PIP4P2: variants seen among roughly 807,000 people sequenced by gnomAD.
The protein encoded by PIP4P2 is phosphatidylinositol-4,5-bisphosphate 4-phosphatase 2.
A neutral mutation model predicts 33.3 loss-of-function variants in PIP4P2; 19 were observed. That is an observed-to-expected ratio of 0.57 (90% confidence interval 0.40 to 0.84). The LOEUF is 0.84. Among genes scored for constraint, PIP4P2 ranks in the 40% least tolerant of loss-of-function variants. PIP4P2 has a pLI of 0.00. For missense variants in PIP4P2, 270 were observed against 324.7 expected (o/e 0.83, Z 1.29); for synonymous variants, 110 against 111.9 (o/e 0.98, Z 0.11).
chr8:91,003,656 AAT>A (rs1312565790), intron 5 of PIP4P2, among the ~76,000 whole-genome samples: 1 of 152,184 alleles, frequency 6.6e-6, no homozygotes, highest in Admixed American at 6.6e-5. Flanking sequence ...CTAGATAGTG[AAT>A]AGAGATAGTA....
chr8:91,019,754 T>C (rs1398410609), intron 3 of PIP4P2, among the ~76,000 whole-genome samples: 1 of 152,046 alleles, frequency 6.6e-6, no homozygotes, highest in Non-Finnish European at 1.5e-5. Context: ...TTTGTAGAGA[T>C]GGGGTCTCAC....
chr8:91,019,033 T>C (rs1811960474), intron 3 of PIP4P2, among the ~76,000 whole-genome samples: 1 of 152,040 alleles, frequency 6.6e-6, no homozygotes, highest in Non-Finnish European at 1.5e-5. Context: ...GATAGGGCTG[T>C]ACATGATTCA....
Position 91,028,188 on chromosome 8 carries a change from C to G in PIP4P2, c.107-6784G>C, listed in dbSNP as rs942956225. ...GCCTAGGATTGAAATGGATGGGTTA[C>G]CTGCAAAGATGTTGCTTGGTTGTAT... is the stretch of plus-strand genomic sequence containing the variant. On this transcript the variant is annotated intron_variant, in intron 1 of 6. Transcript: ENST00000285419. Among the ~76,000 whole-genome samples the G allele has an allele frequency of 2.0e-5, 3 of 152,140 alleles. 1 individual carries two copies. Among genetic ancestry groups the G allele is most frequent in the Admixed American group, 6.5e-5 (1 of 15,276 alleles).
At position 90,996,663 on chromosome 8, in the gene PIP4P2, A is replaced by C. The variant is rs201523033; in HGVS notation, c.621T>G (p.Val207=). The change falls in exon 6 of 7, where the codon GTT becomes GTG. Residue 207 remains valine (V), a synonymous_variant. Coordinates refer to ENST00000285419, the MANE Select transcript of PIP4P2 (RefSeq NM_018710.3). ...AAAGTGTAACACTCACAGTTAACCCAACTCCAATGAAAATACATATCATTC... is the reference window on the plus strand; with the variant it reads ...AAAGTGTAACACTCACAGTTAACCCCACTCCAATGAAAATACATATCATTC... ...TIGMICIFIG[V]GLTVGTPDFA... 8.7e-6 allele frequency: 14 copies of C among 1,608,078 alleles called. No individual in the cohort carries two copies. Among genetic ancestry groups the C allele is most frequent in the Middle Eastern group, 1.7e-4 (1 of 6,054 alleles).
chr8:91,020,132 C>A, intron 3 of PIP4P2, 25 bp downstream of exon 3: 1 of 1,603,522 alleles, frequency 6.2e-7, no homozygotes. Flanking sequence ...ATGAATGAAT[C>A]AATGAATTAA....
At chr8:91,003,988 T>C (rs1811734354) in intron 5 of PIP4P2, among the ~76,000 whole-genome samples, 1 of 151,778 alleles carries the variant, frequency 6.6e-6, no homozygotes, top group Non-Finnish European at 1.5e-5. Flanking sequence ...GATAGATAGA[T>C]AGATAGATAG....
intron 1 of PIP4P2, among the ~76,000 whole-genome samples, chr8:91,039,625 A>G (rs141203598): frequency 1.6e-4 from 24 of 152,338 alleles, no homozygotes; most frequent in African/African-American, 5.8e-4. Context: ...AACTTTGCTC[A>G]TATTTAGCCA....
At chr8:91,015,077 G>T (rs114233368) in intron 4 of PIP4P2, among the ~76,000 whole-genome samples, 15 of 152,058 alleles carry the variant, frequency 9.9e-5, no homozygotes, top group Middle Eastern at 3.4e-3. Context: ...CACAGAAGAC[G>T]GCACGAATAA....
intron 4 of PIP4P2, among the ~76,000 whole-genome samples, chr8:91,015,421 C>G (rs1811901894): frequency 6.6e-6 from 1 of 152,046 alleles, no homozygotes; most frequent in Non-Finnish European, 1.5e-5. Flanking sequence ...CAATCAGTGA[C>G]TTGCTCTCAA....
At chr8:91,027,521 G>A (rs1812099775) in intron 1 of PIP4P2, among the ~76,000 whole-genome samples, 1 of 152,046 alleles carries the variant, frequency 6.6e-6, no homozygotes, top group Non-Finnish European at 1.5e-5. Context: ...GTCTAATTCA[G>A]TAAGAGGCAG....
intron 5 of PIP4P2, among the ~76,000 whole-genome samples, chr8:90,999,583 A>G (rs1810420472): frequency 1.3e-5 from 2 of 152,060 alleles, no homozygotes; most frequent in South Asian, 4.1e-4. Flanking sequence ...AAAGATGGCC[A>G]CACTATCTGC....
At chr8:91,005,538 C>G (rs1324525562) in intron 5 of PIP4P2, among the ~76,000 whole-genome samples, 1 of 152,146 alleles carries the variant, frequency 6.6e-6, no homozygotes, top group African/African-American at 2.4e-5. Context: ...ATTAACTATT[C>G]TCCCCACTAT....
intron 2 of PIP4P2, among the ~76,000 whole-genome samples, chr8:91,020,786 T>A (rs140439026): frequency 1.7e-3 from 262 of 152,306 alleles, no homozygotes; most frequent in African/African-American, 6.2e-3. Context: ...TTGGCACAGA[T>A]GCTAATAATA....
intron 1 of PIP4P2, among the ~76,000 whole-genome samples, chr8:91,032,780 CAAAAAAA>C (rs34482470): frequency 1.4e-4 from 14 of 98,744 alleles, no homozygotes; most frequent in Admixed American, 1.0e-3. Flanking sequence ...GAGTCTGTCT[CAAAAAAA>C]AAAAAAAAAA....
intron 1 of PIP4P2, among the ~76,000 whole-genome samples, chr8:91,038,254 C>T (rs1431998516): frequency 2.0e-5 from 3 of 152,160 alleles, no homozygotes; most frequent in African/African-American, 7.2e-5. Context: ...AACTAACATT[C>T]CTGTACTTTA....
In PIP4P2 at chr8:91,040,052, T is replaced by C. The variant is rs182029807; in HGVS notation, c.106+592A>G. ...AAATCTAACACATACTCCTTGAAAG[T>C]AGGAGTAAAAAGGAGGGGCAGGAAT... is the stretch of plus-strand genomic sequence containing the variant. On this transcript the variant is annotated intron_variant, in intron 1 of 6. Transcript: ENST00000285419. Among the ~76,000 whole-genome samples, 17 of 152,286 alleles carry C rather than the reference T, an allele frequency of 1.1e-4. No homozygotes were observed. In the East Asian group the frequency reaches 2.9e-3, roughly 26 times the overall value.
intron 1 of PIP4P2, among the ~76,000 whole-genome samples, chr8:91,032,780 CAAAA>C (rs34482470): frequency 2.0e-5 from 2 of 98,732 alleles, no homozygotes; most frequent in Non-Finnish European, 2.0e-5. Context: ...GAGTCTGTCT[CAAAA>C]AAAAAAAAAA....
rs76832764 is a variant in PIP4P2, at chr8:91,014,533, T to C, written c.486+3857A>G. Among the ~76,000 whole-genome samples, 65 of 152,140 alleles carry C rather than the reference T, an allele frequency of 4.3e-4. 1 individual carries two copies. In the East Asian group the frequency reaches 0.011, roughly 25 times the overall value. On this transcript the variant is annotated intron_variant, in intron 4 of 6. Coordinates refer to ENST00000285419, the MANE Select transcript of PIP4P2 (RefSeq NM_018710.3). Reference sequence around the variant, plus strand: ...TGCACGATCACGCCTGTATGTGGAATGTAAAATAGTTTAATTCATAGAAGC... The same window carrying C: ...TGCACGATCACGCCTGTATGTGGAACGTAAAATAGTTTAATTCATAGAAGC...
At position 91,040,785 on chromosome 8, in the gene PIP4P2, CG is replaced by C. The variant is rs765199834; in HGVS notation, c.-37del. Reference sequence around the variant, plus strand: ...GCGGCGGGGCCTGGGGAGGCCGAGCCGGGGTTGCGGCCTCGGCGGAGTGGTG... The same window carrying C: ...GCGGCGGGGCCTGGGGAGGCCGAGCCGGGTTGCGGCCTCGGCGGAGTGGTG... On this transcript the variant is annotated 5_prime_UTR_variant, in exon 1 of 7. Coordinates refer to ENST00000285419, the MANE Select transcript of PIP4P2 (RefSeq NM_018710.3). 6.3e-7 allele frequency: 1 copy of C among 1,598,214 alleles called. No homozygotes were observed. The highest frequency in any genetic ancestry group is 1.1e-5 in the South Asian group (1 of 90,572).
Sources: allele counts gnomAD v4.1 joint callset (sites outside exome capture counted in the v4.1 genomes callset), GRCh38; gene constraint gnomAD v4.1.1; transcripts MANE v1.5; gene names NCBI Gene and HGNC (gene_info 2026-07-23, HGNC 2026-07-21).